Variants in ZDHHC17 observed in about 807,000 individuals in gnomAD.
ZDHHC17 encodes the protein palmitoyltransferase ZDHHC17.
ZDHHC17 carries 40 observed loss-of-function variants against 90.3 expected under a neutral mutation model. The observed-to-expected ratio is 0.44, with a 90% CI of 0.34 to 0.58. The LOEUF (loss-of-function observed/expected upper bound fraction) is 0.58, where lower values mean the gene tolerates loss of function less well. ZDHHC17 is among the 20% of genes least tolerant of loss of function. The probability of loss-of-function intolerance (pLI) is 0.01; values close to 1 mark genes in which losing one functional copy is unlikely to be tolerated. For missense variants in ZDHHC17, 614 were observed against 780.8 expected, an observed-to-expected ratio of 0.79 and a Z score of 2.55; for synonymous variants, 235 against 252.4, an observed-to-expected ratio of 0.93 and a Z score of 0.65.
At chr12:76,825,418 A>G (rs1953218605) in intron 8 of ZDHHC17, among the ~76,000 whole-genome samples, 1 of 152,214 alleles carries the variant, frequency 6.6e-6, no homozygotes, top group Non-Finnish European at 1.5e-5. Flanking sequence ...GATTTCTCAC[A>G]TAGCAGCACA....
intron 8 of ZDHHC17, 128 bp from the exon 9 acceptor site, chr12:76,826,780 T>TA (rs1238563897): frequency 2.2e-6 from 2 of 901,774 alleles, no homozygotes; most frequent in Admixed American, 3.6e-5. Flanking sequence ...ATAGTACTGA[T>TA]ACATAGCATG....
intron 1 of ZDHHC17, among the ~76,000 whole-genome samples, chr12:76,791,399 A>G (rs1346129877): frequency 1.3e-5 from 2 of 152,024 alleles, no homozygotes; most frequent in African/African-American, 4.8e-5. Context: ...TTTTTTGCCT[A>G]TTTCTATGGC....
chr12:76,817,344 C>CT (rs550244904), intron 7 of ZDHHC17, among the ~76,000 whole-genome samples: 6 of 151,824 alleles, frequency 4.0e-5, no homozygotes, highest in African/African-American at 7.2e-5. Flanking sequence ...AGTGTTACTA[C>CT]TTTTTTTTAT....
At position 76,824,944 on chromosome 12, in the gene ZDHHC17, AT is replaced by A. The variant is rs555723052; in HGVS notation, c.898-1958del. Among the ~76,000 whole-genome samples, 366 of 152,218 alleles carry A rather than the reference AT, an allele frequency of 2.4e-3. 1 individual carries two copies. Among genetic ancestry groups the A allele is most frequent in the African/African-American group, 8.4e-3 (350 of 41,546 alleles). On this transcript the variant is annotated intron_variant, in intron 8 of 16. Transcript: ENST00000426126. ...AGTAAAAGGATTTTAAATATCTTAG[AT>A]TTTTTACTTAGAATATTAAGTAAAA...
intron 1 of ZDHHC17, among the ~76,000 whole-genome samples, chr12:76,784,109 A>G (rs1020565403): frequency 6.6e-5 from 10 of 152,248 alleles, no homozygotes; most frequent in African/African-American, 2.4e-4. Flanking sequence ...CAACAGTACT[A>G]AACTAAACTA....
chr12:76,847,067 A>G (rs1419860946), intron 14 of ZDHHC17, among the ~76,000 whole-genome samples: 1 of 152,234 alleles, frequency 6.6e-6, no homozygotes, highest in Non-Finnish European at 1.5e-5. Flanking sequence ...TTAAAATTAA[A>G]TTTGCAGAGA....
chr12:76,805,012 G>GT (rs1952939153), intron 2 of ZDHHC17, among the ~76,000 whole-genome samples: 1 of 151,934 alleles, frequency 6.6e-6, no homozygotes, highest in Non-Finnish European at 1.5e-5. Context: ...ATTTTTTACA[G>GT]TCTGCCTTAA....
chr12:76,829,425 C>T (rs1237790361), intron 10 of ZDHHC17, among the ~76,000 whole-genome samples: 3 of 135,704 alleles, frequency 2.2e-5, no homozygotes, highest in African/African-American at 8.8e-5. Flanking sequence ...CATTGCACTC[C>T]AGCCTGGGTG....
chr12:76,850,268 T>G (rs1056635073), intron 16 of ZDHHC17, among the ~76,000 whole-genome samples: 8 of 152,186 alleles, frequency 5.3e-5, no homozygotes, highest in African/African-American at 1.9e-4. Flanking sequence ...TACTAAAATT[T>G]CATGAACTTA....
chr12:76,784,676 C>T (rs1181456942), intron 1 of ZDHHC17, among the ~76,000 whole-genome samples: 2 of 152,188 alleles, frequency 1.3e-5, no homozygotes, highest in East Asian at 1.9e-4. Context: ...CAACTTTCCA[C>T]GAGATGGGTG....
At chr12:76,850,352 C>A (rs1462542862) in intron 16 of ZDHHC17, among the ~76,000 whole-genome samples, 2 of 152,054 alleles carry the variant, frequency 1.3e-5, no homozygotes, top group Admixed American at 6.6e-5. Flanking sequence ...ATTATTTTGT[C>A]TTTTACTTTT....
At chr12:76,799,813 G>A (rs1162606472) in intron 2 of ZDHHC17, among the ~76,000 whole-genome samples, 2 of 152,074 alleles carry the variant, frequency 1.3e-5, no homozygotes, top group East Asian at 1.9e-4. Context: ...AATACAGGTT[G>A]AGTCCCTTAT....
At chr12:76,795,151 A>T (rs183781194) in intron 1 of ZDHHC17, among the ~76,000 whole-genome samples, 2 of 152,218 alleles carry the variant, frequency 1.3e-5, no homozygotes, top group East Asian at 3.9e-4. Flanking sequence ...GTGGAGCCTG[A>T]AGCAAAAGGA....
At chr12:76,796,742 G>A (rs968502403) in intron 1 of ZDHHC17, among the ~76,000 whole-genome samples, 1 of 152,154 alleles carries the variant, frequency 6.6e-6, no homozygotes, top group Non-Finnish European at 1.5e-5. Flanking sequence ...ATAGAGTAGT[G>A]CATGTGATGA....
intron 1 of ZDHHC17, among the ~76,000 whole-genome samples, chr12:76,774,949 T>C (rs1158666954): frequency 6.6e-6 from 1 of 152,182 alleles, no homozygotes; most frequent in Admixed American, 6.5e-5. Flanking sequence ...GACAGGATCT[T>C]ACTGTAGCTG....
chr12:76,850,709 T>C (rs1592502728), intron 16 of ZDHHC17, 138 bp from the exon 17 acceptor site: 9 of 957,378 alleles, frequency 9.4e-6, no homozygotes, highest in South Asian at 1.7e-5. Context: ...TATAGAGTTA[T>C]GAATTGGTTC....
At chr12:76,832,032 G>A (rs557962484) in intron 10 of ZDHHC17, among the ~76,000 whole-genome samples, 15 of 152,276 alleles carry the variant, frequency 9.9e-5, no homozygotes, top group East Asian at 9.7e-4. Flanking sequence ...CCAATTATGC[G>A]AGGAAAACTG....
chr12:76,802,421 G>A (rs1247808195), intron 2 of ZDHHC17, among the ~76,000 whole-genome samples: 1 of 152,188 alleles, frequency 6.6e-6, no homozygotes. Flanking sequence ...ATGTCTCAGT[G>A]TGGGTGTCTT....
intron 1 of ZDHHC17, among the ~76,000 whole-genome samples, chr12:76,780,213 A>G (rs772249224): frequency 1.5e-4 from 23 of 152,290 alleles, no homozygotes; most frequent in African/African-American, 2.2e-4. Flanking sequence ...TTATATATCA[A>G]TTGGAGAATT....
Sources: allele counts gnomAD v4.1 joint callset (sites outside exome capture counted in the v4.1 genomes callset), GRCh38; gene constraint gnomAD v4.1.1; transcripts MANE v1.5; gene names NCBI Gene and HGNC (gene_info 2026-07-23, HGNC 2026-07-21).